Variants in CFDP1 observed in about 807,000 individuals in gnomAD.
CFDP1 encodes the protein heterochromatin-stabilizing protein CFDP1.
In CFDP1, 31 loss-of-function variants were observed where a neutral mutation model predicts 40.1. The ratio of observed to expected loss-of-function variants is 0.77; its 90% CI spans 0.58 to 1.04. The LOEUF is 1.04. Among genes scored for constraint, CFDP1 ranks in the 50% least tolerant of loss-of-function variants. The pLI, the probability that CFDP1 is intolerant of heterozygous loss-of-function variation, is 0.00. For missense variants in CFDP1, 423 were observed against 343.4 expected (o/e 1.23, Z -1.83); for synonymous variants, 167 against 120.0 (o/e 1.39, Z -2.56).
At chr16:75,329,275 C>T (rs1324162462) in intron 5 of CFDP1, among the ~76,000 whole-genome samples, 1 of 152,166 alleles carries the variant, frequency 6.6e-6, no homozygotes, top group African/African-American at 2.4e-5. Flanking sequence ...CATGAACCAC[C>T]ACGATCAGCC....
intron 5 of CFDP1, chr16:75,391,537 C>A (rs552933173): frequency 6.6e-6 from 1 of 152,298 alleles, no homozygotes; most frequent in East Asian, 1.9e-4. Context: ...AACAGAAAAT[C>A]AGAGCATATT....
At chr16:75,398,619 C>T (rs2079019007) in intron 4 of CFDP1, among the ~76,000 whole-genome samples, 1 of 152,248 alleles carries the variant, frequency 6.6e-6, no homozygotes. Flanking sequence ...TCCAAGTTAC[C>T]ACAAAAGAAG....
intron 5 of CFDP1, among the ~76,000 whole-genome samples, chr16:75,349,680 A>ATATATAT (rs59380218): frequency 4.5e-4 from 3 of 6,670 alleles, no homozygotes; most frequent in Non-Finnish European, 9.2e-4. Context: ...AAAAAAAAAA[A>ATATATAT]AAAAAAAAAA....
chr16:75,326,613 G>C (rs1042484383), intron 5 of CFDP1, among the ~76,000 whole-genome samples: 2 of 152,194 alleles, frequency 1.3e-5, no homozygotes, highest in African/African-American at 4.8e-5. Context: ...ACAACAGCTA[G>C]AAAAAGACAC....
At chr16:75,332,696 A>T (rs983785386) in intron 5 of CFDP1, among the ~76,000 whole-genome samples, 1 of 150,832 alleles carries the variant, frequency 6.6e-6, no homozygotes, top group Admixed American at 6.6e-5. Flanking sequence ...AGAGTTGTCT[A>T]TATTTTTTAT....
At chr16:75,398,561 G>T (rs1436092218) in intron 4 of CFDP1, among the ~76,000 whole-genome samples, 1 of 152,168 alleles carries the variant, frequency 6.6e-6, no homozygotes, top group African/African-American at 2.4e-5. Context: ...TGCTCTGTCT[G>T]TCTGTCTGTC....
Position 75,293,925 on chromosome 16 carries a change from A to G in CFDP1, c.*27T>C. The G allele has an allele frequency of 6.3e-7, 1 of 1,579,252 alleles. No homozygotes were observed. The highest frequency in any genetic ancestry group is 8.7e-7 in the Non-Finnish European group (1 of 1,148,658). On this transcript the variant is annotated 3_prime_UTR_variant, in exon 7 of 7. Coordinates refer to ENST00000283882, the MANE Select transcript of CFDP1 (RefSeq NM_006324.3). ...AAAAGCTCACATTGTAAACAGGATT[A>G]AGCTGCTCTTGATTTAGCCCGTAAC... is the stretch of plus-strand genomic sequence containing the variant.
At chr16:75,399,596 T>A (rs953527413) in intron 4 of CFDP1, among the ~76,000 whole-genome samples, 15 of 152,118 alleles carry the variant, frequency 9.9e-5, no homozygotes, top group African/African-American at 3.4e-4. Context: ...CTGGGCTGGA[T>A]TCAAACTCCT....
At chr16:75,362,675 A>C (rs1301102524) in intron 5 of CFDP1, among the ~76,000 whole-genome samples, 1 of 152,140 alleles carries the variant, frequency 6.6e-6, no homozygotes, top group African/African-American at 2.4e-5. Flanking sequence ...TATAAAAGCA[A>C]GCCTAAGTTA....
At chr16:75,337,862 C>A (rs541530722) in intron 5 of CFDP1, among the ~76,000 whole-genome samples, 4 of 152,316 alleles carry the variant, frequency 2.6e-5, no homozygotes, top group Non-Finnish European at 5.9e-5. Context: ...CAAACCATAT[C>A]ATTGACCAAC....
At chr16:75,342,072 C>T (rs1194337799) in intron 5 of CFDP1, among the ~76,000 whole-genome samples, 1 of 152,164 alleles carries the variant, frequency 6.6e-6, no homozygotes, top group East Asian at 1.9e-4. Context: ...TACCTCATCC[C>T]TGAATATCAC....
At chr16:75,407,990 C>T (rs1037622683) in intron 4 of CFDP1, among the ~76,000 whole-genome samples, 24 of 151,830 alleles carry the variant, frequency 1.6e-4, no homozygotes, top group Non-Finnish European at 2.2e-4. Flanking sequence ...TATAGTCCCA[C>T]GCACTCGGCA....
chr16:75,330,046 GGGTTACTTCC>G (rs773099556), intron 5 of CFDP1, among the ~76,000 whole-genome samples: 41 of 152,232 alleles, frequency 2.7e-4, no homozygotes, highest in Non-Finnish European at 5.0e-4. Flanking sequence ...GCAAACTCTA[GGGTTACTTCC>G]CTGACCCCAA....
intron 5 of CFDP1, among the ~76,000 whole-genome samples, chr16:75,314,833 A>T (rs1567642540): frequency 6.6e-6 from 1 of 152,184 alleles, no homozygotes; most frequent in South Asian, 2.1e-4. Flanking sequence ...GTCACTGCCA[A>T]CGCTGCCTCC....
intron 6 of CFDP1, among the ~76,000 whole-genome samples, chr16:75,302,738 G>A (rs561478919): frequency 1.3e-5 from 2 of 152,204 alleles, no homozygotes; most frequent in Non-Finnish European, 2.9e-5. Flanking sequence ...GAATGGAGAG[G>A]TTTGGGGCGC....
chr16:75,419,280 A>AAAAAAATTTG (rs1311033677), intron 1 of CFDP1: 1 of 155,802 alleles, frequency 6.4e-6, no homozygotes, highest in Non-Finnish European at 1.4e-5. Context: ...AAAGACAGAA[A>AAAAAAATTTG]AAAAAATTTG....
At chr16:75,341,742 G>A (rs2078528668) in intron 5 of CFDP1, among the ~76,000 whole-genome samples, 1 of 151,684 alleles carries the variant, frequency 6.6e-6, no homozygotes, top group South Asian at 2.1e-4. Context: ...AGGCCAAGCT[G>A]TCCTGTTCTC....
At position 75,299,197 on chromosome 16, in the gene CFDP1, C is replaced by T. The variant is rs183811983; in HGVS notation, c.810-5155G>A. Among the ~76,000 whole-genome samples, 28 of 152,244 alleles carry T rather than the reference C, an allele frequency of 1.8e-4. 1 individual carries two copies. Among genetic ancestry groups the T allele is most frequent in the Admixed American group, 1.2e-3 (18 of 15,296 alleles). On this transcript the variant is annotated intron_variant, in intron 6 of 6. Coordinates refer to ENST00000283882, the MANE Select transcript of CFDP1 (RefSeq NM_006324.3). ...TCTTTGCTGGACAAATGACTGTCTC[C>T]GGTACAGGCACTTCAACCAACTCTG...
chr16:75,403,521 A>T (rs960588187), intron 4 of CFDP1, among the ~76,000 whole-genome samples: 2 of 152,250 alleles, frequency 1.3e-5, no homozygotes, highest in South Asian at 2.1e-4. Flanking sequence ...GCCTGGCCTA[A>T]TGACTTCTTA....
Sources: allele counts gnomAD v4.1 joint callset (sites outside exome capture counted in the v4.1 genomes callset), GRCh38; gene constraint gnomAD v4.1.1; transcripts MANE v1.5; gene names NCBI Gene and HGNC (gene_info 2026-07-23, HGNC 2026-07-21).